The following PSMA8 variants were observed in gnomAD, a reference collection of about 807,000 sequenced individuals.
PSMA8 encodes the protein proteasome 20S subunit alpha 8.
A neutral mutation model predicts 32.4 loss-of-function variants in PSMA8; 18 were observed. The observed-to-expected ratio is 0.56, with a 90% CI of 0.38 to 0.82. PSMA8 has a LOEUF of 0.82. PSMA8 is among the 40% of genes least tolerant of loss of function. The pLI, the probability that PSMA8 is intolerant of heterozygous loss-of-function variation, is 0.00. For missense variants in PSMA8, 298 were observed against 300.7 expected (o/e 0.99, Z 0.07); for synonymous variants, 104 against 98.1 (o/e 1.06, Z -0.36).
chr18:26,152,867 T>C (rs939816556), intron 3 of PSMA8, among the ~76,000 whole-genome samples: 1 of 152,202 alleles, frequency 6.6e-6, no homozygotes, highest in Non-Finnish European at 1.5e-5. Context: ...TTTCACCTTC[T>C]GTGATGGGAT....
At chr18:26,134,994 C>T (rs1441230611) in intron 1 of PSMA8, among the ~76,000 whole-genome samples, 1 of 151,968 alleles carries the variant, frequency 6.6e-6, no homozygotes, top group African/African-American at 2.4e-5. Flanking sequence ...CCCAATATTT[C>T]CCAGCCTTGT....
At chr18:26,182,671 T>C (rs1216868022) in intron 6 of PSMA8, among the ~76,000 whole-genome samples, 1 of 152,230 alleles carries the variant, frequency 6.6e-6, no homozygotes, top group Non-Finnish European at 1.5e-5. Flanking sequence ...AGTCTTATTA[T>C]TCAAGAAATA....
chr18:26,179,974 G>C (rs890683829), intron 6 of PSMA8, among the ~76,000 whole-genome samples: 3 of 150,978 alleles, frequency 2.0e-5, no homozygotes, highest in African/African-American at 7.3e-5. Flanking sequence ...ATTGTTGCCA[G>C]ATGCGGTGGC....
Position 26,134,049 on chromosome 18 carries a change from G to A in PSMA8, c.84G>A (p.Val28=). 6.2e-7 allele frequency: 1 copy of A among 1,613,708 alleles called. No individual in the cohort carries two copies. Among genetic ancestry groups the A allele is most frequent in the Non-Finnish European group, 8.5e-7 (1 of 1,179,660 alleles). ...LFQVEYAQEA[V]KKGSTAVGIR... ...AAGTTGAATATGCCCAGGAAGCGGTGAAGAAAGGATCCACCGCGGTGAGGA... is the reference window on the plus strand; with the variant it reads ...AAGTTGAATATGCCCAGGAAGCGGTAAAGAAAGGATCCACCGCGGTGAGGA... The change falls in exon 1 of 7, where the codon GTG becomes GTA. Residue 28 remains valine, a synonymous_variant. Coordinates refer to ENST00000415576, the MANE Select transcript of PSMA8 (RefSeq NM_001025096.2).
chr18:26,185,677 G>A (rs1335580284), intron 6 of PSMA8, among the ~76,000 whole-genome samples: 1 of 150,736 alleles, frequency 6.6e-6, no homozygotes, highest in African/African-American at 2.5e-5. Context: ...TATTCTCTAG[G>A]AAGTTTTTCA....
At chr18:26,182,853 G>C (rs938849065) in intron 6 of PSMA8, among the ~76,000 whole-genome samples, 3 of 152,132 alleles carry the variant, frequency 2.0e-5, no homozygotes, top group African/African-American at 7.2e-5. Context: ...CACTTTGGGA[G>C]GCCGGAGGCA....
At chr18:26,158,069 T>G in intron 3 of PSMA8, 53 bp from the exon 4 acceptor site, 1 of 1,298,032 alleles carries the variant, frequency 7.7e-7, no homozygotes, top group Non-Finnish European at 1.1e-6. Context: ...ATTATTAGAA[T>G]TTTTATTTTG....
At chr18:26,172,903 C>G (rs1342014307) in intron 4 of PSMA8, among the ~76,000 whole-genome samples, 2 of 152,144 alleles carry the variant, frequency 1.3e-5, no homozygotes, top group Non-Finnish European at 2.9e-5. Context: ...AGGCAGTGAA[C>G]AAGCTTCTTC....
chr18:26,147,309 A>G (rs568031996), intron 2 of PSMA8, among the ~76,000 whole-genome samples: 1 of 152,234 alleles, frequency 6.6e-6, no homozygotes, highest in South Asian at 2.1e-4. Context: ...GGAAGACGTG[A>G]AAATCCACAA....
At chr18:26,160,812 G>A (rs1036714966) in intron 4 of PSMA8, among the ~76,000 whole-genome samples, 3 of 152,210 alleles carry the variant, frequency 2.0e-5, no homozygotes, top group Non-Finnish European at 2.9e-5. Flanking sequence ...AATACCAGCA[G>A]TTTGGTTTTT....
At chr18:26,190,764 A>G (rs924800910) in intron 6 of PSMA8, among the ~76,000 whole-genome samples, 1 of 152,216 alleles carries the variant, frequency 6.6e-6, no homozygotes, top group African/African-American at 2.4e-5. Flanking sequence ...AGGAAAAAGA[A>G]AGTGAAAGAC....
intron 3 of PSMA8, among the ~76,000 whole-genome samples, chr18:26,153,016 T>G (rs1359587676): frequency 1.3e-5 from 2 of 152,146 alleles, no homozygotes; most frequent in Admixed American, 6.5e-5. Flanking sequence ...CAGCACAAAA[T>G]GGACTAAAGC....
intron 4 of PSMA8, among the ~76,000 whole-genome samples, chr18:26,175,033 TC>T (rs1238301675): frequency 6.6e-6 from 1 of 152,222 alleles, no homozygotes; most frequent in African/African-American, 2.4e-5. Context: ...TTTAATATAA[TC>T]CTCCAATTTA....
chr18:26,173,151 C>G (rs552617958), intron 4 of PSMA8, among the ~76,000 whole-genome samples: 49 of 152,196 alleles, frequency 3.2e-4, no homozygotes, highest in Non-Finnish European at 3.5e-4. Flanking sequence ...AAAGCCCTTA[C>G]AGTGGTCTAA....
chr18:26,147,422 C>G (rs1287191280), intron 2 of PSMA8, among the ~76,000 whole-genome samples: 2 of 151,746 alleles, frequency 1.3e-5, no homozygotes, highest in African/African-American at 4.8e-5. Context: ...AATAAAAGCA[C>G]AACATATCAA....
At chr18:26,153,472 C>A (rs149096927) in intron 3 of PSMA8, among the ~76,000 whole-genome samples, 134 of 152,192 alleles carry the variant, frequency 8.8e-4, no homozygotes, top group African/African-American at 3.1e-3. Flanking sequence ...ATAAATGTAT[C>A]CTTGAAGAAT....
chr18:26,153,748 T>C (rs1188394012), intron 3 of PSMA8, among the ~76,000 whole-genome samples: 2 of 152,196 alleles, frequency 1.3e-5, no homozygotes, highest in Non-Finnish European at 2.9e-5. Flanking sequence ...CAAACTATTT[T>C]CCTACTTTGC....
intron 4 of PSMA8, among the ~76,000 whole-genome samples, chr18:26,165,491 T>C (rs1434373964): frequency 5.3e-5 from 8 of 152,176 alleles, no homozygotes; most frequent in Non-Finnish European, 8.8e-5. Flanking sequence ...AGTAAAGATA[T>C]TGCTTTTAAG....
At chr18:26,163,181 A>G (rs1439135508) in intron 4 of PSMA8, among the ~76,000 whole-genome samples, 1 of 144,352 alleles carries the variant, frequency 6.9e-6, no homozygotes, top group East Asian at 2.0e-4. Context: ...AAATACAACA[A>G]TATAAAAGGT....
Sources: allele counts gnomAD v4.1 joint callset (sites outside exome capture counted in the v4.1 genomes callset), GRCh38; gene constraint gnomAD v4.1.1; transcripts MANE v1.5; gene names NCBI Gene and HGNC (gene_info 2026-07-23, HGNC 2026-07-21).